Variants in ARHGAP17 observed in about 807,000 individuals in gnomAD.
The protein encoded by ARHGAP17 is Rho GTPase activating protein 17, also known as rho GTPase-activating protein 17.
Under a neutral mutation model 99.5 loss-of-function variants are expected in ARHGAP17, and 57 were observed. The ratio of observed to expected loss-of-function variants is 0.57; its 90% CI spans 0.46 to 0.71. ARHGAP17 has a LOEUF of 0.71. Ranked by LOEUF, ARHGAP17 falls within the 30% of genes least tolerant of loss-of-function variation. The probability of loss-of-function intolerance (pLI) is 0.00; values close to 1 mark genes in which losing one functional copy is unlikely to be tolerated. For missense variants in ARHGAP17, 1,000 were observed against 1,122.4 expected (o/e 0.89, Z 1.56); for synonymous variants, 417 against 429.6 (o/e 0.97, Z 0.36).
chr16:24,960,830 A>G (rs529917504), intron 7 of ARHGAP17, among the ~76,000 whole-genome samples: 1 of 151,856 alleles, frequency 6.6e-6, no homozygotes, highest in Non-Finnish European at 1.5e-5. Flanking sequence ...GAAAAAAAAA[A>G]AGGCAGGGGG....
intron 1 of ARHGAP17, among the ~76,000 whole-genome samples, chr16:24,998,268 G>A (rs1284882616): frequency 6.6e-6 from 1 of 151,994 alleles, no homozygotes; most frequent in Non-Finnish European, 1.5e-5. Flanking sequence ...AGGAAGGGGA[G>A]GGCTGAGAAA....
chr16:24,952,894 A>C, intron 11 of ARHGAP17, 37 bp downstream of exon 11: 2 of 1,593,642 alleles, frequency 1.3e-6, no homozygotes, highest in East Asian at 2.2e-5. Context: ...CACCGCCTTG[A>C]GGGTGACTTG....
At chr16:24,939,925 T>C (rs1721246560) in intron 16 of ARHGAP17, 25 of 336,622 alleles carry the variant, frequency 7.4e-5, no homozygotes, top group South Asian at 6.1e-4. Flanking sequence ...TTTCCCCCTT[T>C]AGACATGTGG....
At chr16:24,979,443 A>T (rs1053625168) in intron 1 of ARHGAP17, among the ~76,000 whole-genome samples, 1 of 152,170 alleles carries the variant, frequency 6.6e-6, no homozygotes, top group African/African-American at 2.4e-5. Context: ...ACAGAAGCTT[A>T]AACTTCAGTT....
At position 24,947,873 on chromosome 16, in the gene ARHGAP17, T is replaced by A. The variant is rs1271510818; in HGVS notation, c.1128-278A>T. Among the ~76,000 whole-genome samples, 7 of 152,338 alleles carry A rather than the reference T, an allele frequency of 4.6e-5. 1 individual carries two copies. In the South Asian group the frequency reaches 1.5e-3, roughly 32 times the overall value. On this transcript the variant is annotated intron_variant, in intron 13 of 19. Coordinates refer to ENST00000289968, the MANE Select transcript of ARHGAP17 (RefSeq NM_001006634.3). ...ATTTCTAATCAATTTCTCCTTTATG[T>A]CCTATCTATTCTACCCCTATTATAA...
intron 17 of ARHGAP17, among the ~76,000 whole-genome samples, 163 bp downstream of exon 17, chr16:24,939,201 A>G (rs2051237106): frequency 6.6e-6 from 1 of 152,246 alleles, no homozygotes. Context: ...CGAGCCATTC[A>G]TAGTCTTTTT....
intron 4 of ARHGAP17, among the ~76,000 whole-genome samples, chr16:24,969,954 C>A (rs1477946059): frequency 6.6e-6 from 1 of 152,134 alleles, no homozygotes; most frequent in Non-Finnish European, 1.5e-5. Flanking sequence ...AGAACACCAG[C>A]CTTGCTGCAG....
intron 1 of ARHGAP17, among the ~76,000 whole-genome samples, chr16:25,000,161 G>A (rs1032488871): frequency 1.3e-5 from 2 of 152,162 alleles, no homozygotes; most frequent in Non-Finnish European, 2.9e-5. Flanking sequence ...GCAGTTTTAC[G>A]TTGATTAAGC....
At chr16:24,961,883 T>C (rs2052013893) in intron 7 of ARHGAP17, among the ~76,000 whole-genome samples, 2 of 138,196 alleles carry the variant, frequency 1.4e-5, no homozygotes, top group South Asian at 4.8e-4. Context: ...GTATTTCCAA[T>C]CTTCAAATAT....
chr16:24,933,420 T>A (rs926743175), intron 18 of ARHGAP17, among the ~76,000 whole-genome samples: 11 of 150,930 alleles, frequency 7.3e-5, no homozygotes, highest in Non-Finnish European at 7.4e-5. Context: ...GGCTGGAGGA[T>A]GCAGTGAGCT....
chr16:24,979,338 C>G (rs946285982), intron 1 of ARHGAP17, among the ~76,000 whole-genome samples: 19 of 152,160 alleles, frequency 1.2e-4, no homozygotes, highest in Non-Finnish European at 2.5e-4. Flanking sequence ...ATATTCTATT[C>G]TAATTCAATA....
At chr16:24,975,740 G>A (rs779473211) in intron 3 of ARHGAP17, among the ~76,000 whole-genome samples, 23 of 152,196 alleles carry the variant, frequency 1.5e-4, no homozygotes, top group African/African-American at 4.8e-4. Context: ...TAGCTTCCCT[G>A]TGTGTCACCG....
intron 19 of ARHGAP17, among the ~76,000 whole-genome samples, chr16:24,923,787 C>T (rs1420496925): frequency 6.6e-6 from 1 of 151,680 alleles, no homozygotes; most frequent in Admixed American, 6.6e-5. Flanking sequence ...CCAGCCTCAG[C>T]CCAAAGGCAG....
chr16:24,954,533 G>C (rs902224463), intron 10 of ARHGAP17, 70 bp downstream of exon 10: 1 of 1,541,564 alleles, frequency 6.5e-7, no homozygotes, highest in Admixed American at 1.9e-5. Flanking sequence ...GGGCTGGCGG[G>C]GAGCATGGTG....
intron 1 of ARHGAP17, among the ~76,000 whole-genome samples, chr16:25,010,242 T>C (rs1380674840): frequency 6.6e-6 from 1 of 151,914 alleles, no homozygotes; most frequent in Non-Finnish European, 1.5e-5. Flanking sequence ...CTGGCTAGTT[T>C]TCTGTATTTT....
At chr16:24,940,903 A>C (rs1597378901) in intron 16 of ARHGAP17, among the ~76,000 whole-genome samples, 1 of 152,340 alleles carries the variant, frequency 6.6e-6, no homozygotes. Flanking sequence ...GGCAGGGAGA[A>C]TACACAAGGC....
intron 1 of ARHGAP17, among the ~76,000 whole-genome samples, chr16:25,000,790 T>G (rs1034026147): frequency 2.0e-5 from 3 of 152,216 alleles, no homozygotes; most frequent in African/African-American, 7.2e-5. Flanking sequence ...AAATCTAAAG[T>G]GCATTGCAAT....
Position 24,942,791 on chromosome 16 carries a change from T to G in ARHGAP17, c.1334-648A>C, listed in dbSNP as rs534590161. Among the ~76,000 whole-genome samples, 364 of 149,616 alleles carry G rather than the reference T, an allele frequency of 2.4e-3. 1 individual carries two copies. Among genetic ancestry groups the G allele is most frequent in the Non-Finnish European group, 3.9e-3 (265 of 67,734 alleles). ...TCAAAAAAAAAAAAAAAAAGAGAGA[T>G]ATTTACACTTTAATATAAAATAGAA... On this transcript the variant is annotated intron_variant, in intron 15 of 19. Coordinates refer to ENST00000289968, the MANE Select transcript of ARHGAP17 (RefSeq NM_001006634.3).
At chr16:24,943,710 A>G in intron 15 of ARHGAP17, 61 bp downstream of exon 15, 1 of 1,448,826 alleles carries the variant, frequency 6.9e-7, no homozygotes, top group South Asian at 1.2e-5. Flanking sequence ...TTCTCTTAAG[A>G]AGACTTTTTG....
Sources: gnomAD v4.1 joint callset for allele counts (sites outside exome capture counted in the v4.1 genomes callset) on GRCh38, gnomAD v4.1.1 for gene constraint, MANE v1.5 for transcripts, NCBI Gene and HGNC (gene_info 2026-07-23, HGNC 2026-07-21) for gene names.